DLG2: variants seen among roughly 807,000 people sequenced by gnomAD.
DLG2 encodes the protein discs large MAGUK scaffold protein 2.
Under a neutral mutation model 132.5 loss-of-function variants are expected in DLG2, and 45 were observed. The observed-to-expected ratio is 0.34, with a 90% CI of 0.27 to 0.44. The LOEUF is 0.44. Among genes scored for constraint, DLG2 ranks in the 20% least tolerant of loss-of-function variants. The pLI, the probability that DLG2 is intolerant of heterozygous loss-of-function variation, is 1.00. For missense variants in DLG2, 1,045 were observed against 1,196.9 expected (o/e 0.87, Z 1.87); for synonymous variants, 424 against 419.6 (o/e 1.01, Z -0.13).
chr11:85,561,331 CAAAAAAAAAAAAAAAAAAAAAAA>C (rs1162562595), intron 3 of DLG2, among the ~76,000 whole-genome samples: 6 of 12,502 alleles, frequency 4.8e-4, no homozygotes, highest in East Asian at 3.5e-3. Flanking sequence ...GACCCTATCT[CAAAAAAAAAAAAAAAAAAAAAAA>C]AAAAAAAAAA....
At chr11:84,266,430 G>A (rs963184616) in intron 7 of DLG2, among the ~76,000 whole-genome samples, 5 of 152,086 alleles carry the variant, frequency 3.3e-5, no homozygotes, top group African/African-American at 1.2e-4. Context: ...TAGATTAAGT[G>A]TCATCTTTAT....
At chr11:84,584,232 G>C (rs553956968) in intron 6 of DLG2, among the ~76,000 whole-genome samples, 1 of 151,834 alleles carries the variant, frequency 6.6e-6, no homozygotes, top group African/African-American at 2.4e-5. Context: ...AAATGGTATC[G>C]GGCTTAATTT....
chr11:84,433,953 C>CA (rs929595073), intron 7 of DLG2, among the ~76,000 whole-genome samples: 25 of 151,528 alleles, frequency 1.6e-4, no homozygotes, highest in Non-Finnish European at 3.4e-4. Context: ...CTCATCTCTA[C>CA]AAAAAAATAC....
chr11:83,878,603 C>G (rs1177165800), intron 15 of DLG2, among the ~76,000 whole-genome samples: 1 of 152,094 alleles, frequency 6.6e-6, no homozygotes, highest in African/African-American at 2.4e-5. Context: ...GCTCAACTTC[C>G]ACGTCAGTGA....
chr11:84,486,537 T>A (rs1241978896), intron 7 of DLG2, among the ~76,000 whole-genome samples: 2 of 152,136 alleles, frequency 1.3e-5, no homozygotes, highest in Non-Finnish European at 2.9e-5. Flanking sequence ...ATTATTTACA[T>A]GTTTATGCGA....
At chr11:83,658,603 T>C (rs1027127457) in intron 18 of DLG2, among the ~76,000 whole-genome samples, 1 of 152,276 alleles carries the variant, frequency 6.6e-6, no homozygotes. Flanking sequence ...GCTTTTAGCT[T>C]AGTAAAATTC....
chr11:84,160,240 T>C (rs1277125521), intron 9 of DLG2, among the ~76,000 whole-genome samples: 1 of 152,064 alleles, frequency 6.6e-6, no homozygotes, highest in East Asian at 1.9e-4. Flanking sequence ...TCTGGAGTGC[T>C]GAAACCTTTA....
chr11:84,115,693 G>C (rs1458871077), intron 9 of DLG2, among the ~76,000 whole-genome samples: 2 of 152,096 alleles, frequency 1.3e-5, no homozygotes, highest in African/African-American at 4.8e-5. Context: ...CCCAGCTCAA[G>C]CGTTACCACC....
intron 24 of DLG2, among the ~76,000 whole-genome samples, chr11:83,469,595 G>A (rs2091730408): frequency 6.6e-6 from 1 of 152,106 alleles, no homozygotes; most frequent in Admixed American, 6.6e-5. Flanking sequence ...ACAACAGGAA[G>A]TACAGGGCTG....
At chr11:85,544,487 T>A (rs957404021) in intron 3 of DLG2, among the ~76,000 whole-genome samples, 2 of 152,220 alleles carry the variant, frequency 1.3e-5, no homozygotes, top group Non-Finnish European at 2.9e-5. Flanking sequence ...TCTTTTTTGA[T>A]TCCATATGAA....
chr11:84,371,551 A>G (rs556426047), intron 7 of DLG2, among the ~76,000 whole-genome samples: 1 of 152,260 alleles, frequency 6.6e-6, no homozygotes, highest in East Asian at 1.9e-4. Context: ...CCTGGCCACA[A>G]AATCTTTTCT....
intron 6 of DLG2, among the ~76,000 whole-genome samples, chr11:84,693,986 A>G (rs2058342876): frequency 6.6e-6 from 1 of 151,688 alleles, no homozygotes; most frequent in African/African-American, 2.4e-5. Context: ...CTTTTGTCAT[A>G]CCATACATGT....
chr11:83,591,051 C>A (rs1347557175), intron 19 of DLG2, among the ~76,000 whole-genome samples: 1 of 152,178 alleles, frequency 6.6e-6, no homozygotes, highest in Non-Finnish European at 1.5e-5. Context: ...CAGCCGAATT[C>A]TATCAGAGGT....
At chr11:84,202,917 C>G (rs1033672949) in intron 8 of DLG2, among the ~76,000 whole-genome samples, 1 of 152,108 alleles carries the variant, frequency 6.6e-6, no homozygotes, top group Non-Finnish European at 1.5e-5. Flanking sequence ...AATGAGATAC[C>G]ATCTCACGCC....
intron 21 of DLG2, among the ~76,000 whole-genome samples, chr11:83,492,255 T>A (rs2093896869): frequency 6.6e-6 from 1 of 152,106 alleles, no homozygotes; most frequent in Non-Finnish European, 1.5e-5. Context: ...GTTCATCATA[T>A]CTTTCTTCCT....
chr11:83,496,172 A>G (rs2094138245), intron 21 of DLG2, among the ~76,000 whole-genome samples: 1 of 149,090 alleles, frequency 6.7e-6, no homozygotes, highest in South Asian at 2.1e-4. Flanking sequence ...ACTTGACTGG[A>G]TATTTAACAT....
At chr11:85,497,279 C>G (rs2093689346) in intron 3 of DLG2, among the ~76,000 whole-genome samples, 1 of 151,270 alleles carries the variant, frequency 6.6e-6, no homozygotes, top group Non-Finnish European at 1.5e-5. Flanking sequence ...TTTAGTGAAG[C>G]ATACACAAAC....
intron 6 of DLG2, among the ~76,000 whole-genome samples, chr11:84,882,255 G>A (rs894903727): frequency 7.9e-5 from 12 of 152,122 alleles, no homozygotes; most frequent in Middle Eastern, 3.4e-3. Context: ...CACAGCAAAT[G>A]TCAAGTGCCT....
intron 18 of DLG2, among the ~76,000 whole-genome samples, chr11:83,764,292 C>T (rs1378360711): frequency 1.3e-5 from 2 of 152,140 alleles, no homozygotes; most frequent in African/African-American, 4.8e-5. Context: ...AAGCTTCCTA[C>T]CCTACCACTC....
Sources: allele counts gnomAD v4.1 joint callset (sites outside exome capture counted in the v4.1 genomes callset), GRCh38; gene constraint gnomAD v4.1.1; transcripts MANE v1.5; gene names NCBI Gene and HGNC (gene_info 2026-07-23, HGNC 2026-07-21).